ANGEL1: variants seen among roughly 807,000 people sequenced by gnomAD.
ANGEL1 encodes the protein RNA 2',3'-cyclic phosphatase ANGEL1.
ANGEL1 carries 62 observed loss-of-function variants against 76.4 expected under a neutral mutation model. That is an observed-to-expected ratio of 0.81 (90% CI 0.66 to 1.00). The LOEUF is 1.00. Among genes scored for constraint, ANGEL1 ranks in the 50% least tolerant of loss-of-function variants. The pLI is 0.00. For missense variants in ANGEL1, 737 were observed against 836.7 expected, an observed-to-expected ratio of 0.88 and a Z score of 1.47; for synonymous variants, 340 against 331.7, an observed-to-expected ratio of 1.03 and a Z score of -0.27.
At chr14:76,805,105 G>A (rs897341564) in intron 5 of ANGEL1, among the ~76,000 whole-genome samples, 1 of 152,002 alleles carries the variant, frequency 6.6e-6, no homozygotes, top group African/African-American at 2.4e-5. Context: ...ATCACTACCG[G>A]TTACTGACTT....
Position 76,786,362 on chromosome 14 carries a change from A to T in ANGEL1, c.*2866T>A, listed in dbSNP as rs1270105914. ...TTTTTAGTAGAGACGGGATTTCTTC[A>T]TGTTGGTCAGGCTGGTCTGGAACTC... On this transcript the variant is annotated 3_prime_UTR_variant, in exon 10 of 10. Transcript: ENST00000251089. The T allele has an allele frequency of 1.3e-5, 2 of 151,918 alleles. No individual in the cohort carries two copies. Among genetic ancestry groups the T allele is most frequent in the Non-Finnish European group, 2.9e-5 (2 of 68,042 alleles). The allele number at this position is 151,918 out of a possible 1,614,324, so 9.4% of individuals were successfully genotyped here. A position where few individuals can be genotyped will look rare whatever the true frequency, so the allele number is the denominator to read the frequency against.
At chr14:76,798,165 C>T (rs552736985) in intron 7 of ANGEL1, among the ~76,000 whole-genome samples, 2 of 151,618 alleles carry the variant, frequency 1.3e-5, no homozygotes, top group South Asian at 4.2e-4. Context: ...GTCTCTGTTG[C>T]CCAGGCGGGA....
rs536365907 is a variant in ANGEL1 at position 76,812,775 on chromosome 14, C to T, written c.53G>A (p.Arg18His). Reference protein sequence around the residue: ...YLLLPATRLFRALSDAFFTCR... With the variant: ...YLLLPATRLFHALSDAFFTCR... ...CGCCTGGCCGGTACCTGAGAGGGCG[C>T]GGAAGAGGCGCGTGGCCGGCAGCAG... Residue 18 changes from arginine (R) to histidine (H), a missense_variant, in exon 1 of 10, where the codon CGC (arginine) becomes CAC (histidine). Arg to His is a conservative substitution (Grantham distance 29, BLOSUM62 0). Around this residue, in one of 2 missense-constraint regions of ANGEL1, gnomAD observed 441 missense variants for 449.5 expected, o/e 0.98. Coordinates refer to ENST00000251089, the MANE Select transcript of ANGEL1 (RefSeq NM_015305.4). 1.1e-5 allele frequency: 17 copies of T among 1,522,314 alleles called. No homozygotes were observed. Among genetic ancestry groups the T allele is most frequent in the Admixed American group, 2.0e-5 (1 of 49,638 alleles). 94.3% of individuals were successfully genotyped at this position (1,522,314 alleles called of 1,614,324 possible).
In ANGEL1 at chr14:76,799,278, C is replaced by CTTTTTTTTTTTTT. The variant is rs71122579; in HGVS notation, c.1618+4080_1618+4092dup. On this transcript the variant is annotated intron_variant, in intron 7 of 9. Transcript: ENST00000251089. ...CTCGTTGTACTCCATTCATGGCCTC[C>CTTTTTTTTTTTTT]TTTTTTTTTTTTTTTTTTTTTTTTT... Among the ~76,000 whole-genome samples, 14 of 52,378 alleles carry CTTTTTTTTTTTTT rather than the reference C, an allele frequency of 2.7e-4. 2 individuals carry two copies. Among genetic ancestry groups the CTTTTTTTTTTTTT allele is most frequent in the Non-Finnish European group, 3.8e-4 (12 of 31,678 alleles). The allele number at this position is 52,378 out of a possible 152,430, so 34.4% of individuals were successfully genotyped here.
At position 76,791,282 on chromosome 14, in the gene ANGEL1, A is replaced by ACTGGAGAAGGTTAC; in HGVS notation, c.1688+1_1688+14dup. ...AGGGCTGGATTGAAAACAGAAGAGA[A>ACTGGAGAAGGTTAC]CTGGAGAAGGTTACCTGGAGAAGGC... On this transcript the variant is annotated intron_variant, in intron 8 of 9. Transcript: ENST00000251089. 1 of 1,613,964 alleles carries ACTGGAGAAGGTTAC rather than the reference A, an allele frequency of 6.2e-7. No homozygotes were observed. Among genetic ancestry groups the ACTGGAGAAGGTTAC allele is most frequent in the Non-Finnish European group, 8.5e-7 (1 of 1,179,848 alleles).
rs1254849654 is a variant in ANGEL1, at chr14:76,812,757, C to T, written c.64+7G>A. ...GGCTCCTGTCTGTCGGTACGCCTGG[C>T]CGGTACCTGAGAGGGCGCGGAAGAG... On this transcript the variant is annotated splice_region_variant and intron_variant, in intron 1 of 9. Coordinates refer to ENST00000251089, the MANE Select transcript of ANGEL1 (RefSeq NM_015305.4). 6.6e-7 allele frequency: 1 copy of T among 1,517,336 alleles called. No individual in the cohort carries two copies. The highest frequency in any genetic ancestry group is 8.8e-7 in the Non-Finnish European group (1 of 1,137,490). The allele number at this position is 1,517,336 out of a possible 1,614,324, so 94.0% of individuals were successfully genotyped here.
intron 5 of ANGEL1, among the ~76,000 whole-genome samples, chr14:76,806,211 A>T (rs1183703506): frequency 6.6e-6 from 1 of 152,192 alleles, no homozygotes; most frequent in Non-Finnish European, 1.5e-5. Flanking sequence ...TAATGATAAA[A>T]ACTGAAAAAA....
At chr14:76,795,400 ATCT>A (rs756718454) in intron 7 of ANGEL1, among the ~76,000 whole-genome samples, 16 of 152,098 alleles carry the variant, frequency 1.1e-4, no homozygotes, top group South Asian at 2.1e-4. Flanking sequence ...TTGTTTCCTG[ATCT>A]TCTATGTAAA....
At chr14:76,794,569 G>T (rs183592352) in intron 7 of ANGEL1, among the ~76,000 whole-genome samples, 43 of 151,708 alleles carry the variant, frequency 2.8e-4, no homozygotes, top group African/African-American at 1.0e-3. Flanking sequence ...TACTCGGGAG[G>T]CTGAGGCAGA....
chr14:76,811,153 G>C (rs1050204821), intron 1 of ANGEL1, among the ~76,000 whole-genome samples: 2 of 152,182 alleles, frequency 1.3e-5, no homozygotes, highest in Non-Finnish European at 2.9e-5. Context: ...AGTGGTTAGA[G>C]GACAGAGACG....
intron 5 of ANGEL1, chr14:76,804,393 C>G: frequency 9.9e-7 from 1 of 1,009,272 alleles, no homozygotes; most frequent in Non-Finnish European, 1.2e-6. Flanking sequence ...CGTCACCATC[C>G]TCGGTCAAAG....
At chr14:76,789,566 C>T (rs1055941984) in intron 9 of ANGEL1, among the ~76,000 whole-genome samples, 178 bp from the exon 10 acceptor site, 2 of 152,140 alleles carry the variant, frequency 1.3e-5, no homozygotes, top group African/African-American at 4.8e-5. Context: ...AGAGATACTC[C>T]ATAATATCAT....
At chr14:76,793,397 GGAGAGGGGATAAAAGGAAAGAGGA>G (rs1566695782) in intron 7 of ANGEL1, among the ~76,000 whole-genome samples, 9 of 51,610 alleles carry the variant, frequency 1.7e-4, no homozygotes, top group Non-Finnish European at 3.6e-4. Flanking sequence ...GGAGAGGAGG[GGAGAGGGGATAAAAGGAAAGAGGA>G]GAGGGGAGGA....
rs71122579 is a variant in ANGEL1, at chr14:76,799,278, C to CTTTTTTTT, written c.1618+4085_1618+4092dup. Among the ~76,000 whole-genome samples, 138 of 52,382 alleles carry CTTTTTTTT rather than the reference C, an allele frequency of 2.6e-3. 23 individuals carry two copies. The highest frequency in any genetic ancestry group is 9.5e-3 in the South Asian group (8 of 840). The allele number at this position is 52,382 out of a possible 152,430, so 34.4% of individuals were successfully genotyped here. On this transcript the variant is annotated intron_variant, in intron 7 of 9. Transcript: ENST00000251089. ...CTCGTTGTACTCCATTCATGGCCTC[C>CTTTTTTTT]TTTTTTTTTTTTTTTTTTTTTTTTT...
In ANGEL1 at chr14:76,808,029, G is replaced by C. The variant is rs1487597884; in HGVS notation, c.769C>G (p.Leu257Val). 3 of 1,614,214 alleles carry C rather than the reference G, an allele frequency of 1.9e-6. No individual in the cohort carries two copies. Among genetic ancestry groups the C allele is most frequent in the Admixed American group, 3.3e-5 (2 of 60,034 alleles). Reference protein sequence around the residue: ...LMSYNILAQDLMQQSSELYLH... With the variant: ...LMSYNILAQDVMQQSSELYLH... ...TAGAGCTCTGAGCTCTGCTGCATCA[G>C]GTCCTGAGCCAGGATGTTATAAGAC... Residue 257 changes from leucine (L) to valine (V), a missense_variant, in exon 3 of 10, where the codon CTG becomes GTG. Physicochemically the swap from Leu to Val is conservative, Grantham distance 32 (BLOSUM62 1). Transcript: ENST00000251089.
At chr14:76,805,144 C>A (rs1048688166) in intron 5 of ANGEL1, among the ~76,000 whole-genome samples, 4 of 152,120 alleles carry the variant, frequency 2.6e-5, no homozygotes, top group Admixed American at 1.3e-4. Flanking sequence ...ACACTTTACA[C>A]GCATTATTTT....
At position 76,787,539 on chromosome 14, in the gene ANGEL1, C is replaced by T. The variant is rs960575607; in HGVS notation, c.*1689G>A. ...GACAGACCTGGGGCTCAGACAGGCA[C>T]ATGCCCAGTACCCAGGAAACAAAGT... On this transcript the variant is annotated 3_prime_UTR_variant, in exon 10 of 10. Transcript: ENST00000251089. 7 of 152,648 alleles carry T rather than the reference C, an allele frequency of 4.6e-5. No homozygotes were observed. The highest frequency in any genetic ancestry group is 1.7e-4 in the African/African-American group (7 of 41,442). 9.5% of individuals were successfully genotyped at this position (152,648 alleles called of 1,614,324 possible).
chr14:76,807,558 C>A, intron 3 of ANGEL1, 56 bp from the exon 4 acceptor site: 2 of 1,572,016 alleles, frequency 1.3e-6, no homozygotes, highest in South Asian at 2.3e-5. Flanking sequence ...TGACCCCCAC[C>A]CTCTAGGAGC....
In ANGEL1 at chr14:76,809,532, C is replaced by T. The variant is rs1895022961; in HGVS notation, c.176G>A (p.Gly59Asp). Residue 59 changes from glycine to aspartate, a missense_variant, in exon 2 of 10, where the codon GGC (glycine) becomes GAC (aspartate). Coordinates refer to ENST00000251089, the MANE Select transcript of ANGEL1 (RefSeq NM_015305.4). The part of the protein sequence containing the change: ...PRGPEQEECE[G>D]LLQQWREEGL... ...TTCTTCTCGCCACTGCTGCAGCAGG[C>T]CCTCACATTCCTCCTGCTCAGGGCC... The T allele has an allele frequency of 1.9e-6, 3 of 1,614,132 alleles. No individual in the cohort carries two copies. Among genetic ancestry groups the T allele is most frequent in the African/African-American group, 1.3e-5 (1 of 74,952 alleles).
Sources: gnomAD v4.1 joint callset for allele counts (sites outside exome capture counted in the v4.1 genomes callset) on GRCh38, gnomAD v4.1.1 for gene constraint, gnomAD v4.1.1 regional missense constraint, MANE v1.5 for transcripts, NCBI Gene and HGNC (gene_info 2026-07-23, HGNC 2026-07-21) for gene names.